MDC1: variants seen among roughly 807,000 people sequenced by gnomAD.
The protein encoded by MDC1 is mediator of DNA damage checkpoint protein 1.
A neutral mutation model predicts 142.5 loss-of-function variants in MDC1; 81 were observed. The ratio of observed to expected loss-of-function variants is 0.57; its 90% confidence interval spans 0.47 to 0.68. The LOEUF is 0.68. MDC1 is among the 30% of genes least tolerant of loss of function. MDC1 has a pLI of 0.00. For missense variants in MDC1, 2,119 were observed against 2,547.9 expected (o/e 0.83, Z 3.62); for synonymous variants, 797 against 968.4 (o/e 0.82, Z 3.29).
At position 30,712,835 on chromosome 6, in the gene MDC1, C is replaced by A. The variant is rs2127718217; in HGVS notation, c.1107G>T (p.Leu369=). Residue 369 remains leucine (L), a synonymous_variant, in exon 5 of 15, where the codon CTG becomes CTT. Transcript: ENST00000376406. This position sits in a 1 kb window ranked among gnomAD's most constrained non-coding sequence, Gnocchi z 4.7. ...TATCACTACCAGCCTGGCTCTCCTGCAGATGGGCCAGGCCTGGTGCTCCAG... is the reference window on the plus strand; with the variant it reads ...TATCACTACCAGCCTGGCTCTCCTGAAGATGGGCCAGGCCTGGTGCTCCAG... ...RGPGAPGLAH[L]QESQAGSDTD... 6.2e-7 allele frequency: 1 copy of A among 1,613,028 alleles called. No individual in the cohort carries two copies. The highest frequency in any genetic ancestry group is 8.5e-7 in the Non-Finnish European group (1 of 1,179,986).
rs1005177081 is a variant in MDC1, at chr6:30,715,361, G to T, written c.-3-183C>A. ...AAACATTTTTTTCTTTTTTGTGATG[G>T]AGTCTCGTTCTGCTCCCCAGGCTGG... On this transcript the variant is annotated intron_variant, in intron 1 of 14. Coordinates refer to ENST00000376406, the MANE Select transcript of MDC1 (RefSeq NM_014641.3). This position sits in a 1 kb window ranked among gnomAD's most constrained non-coding sequence, Gnocchi z 4.1. Among the ~76,000 whole-genome samples the T allele has an allele frequency of 1.3e-5, 2 of 151,998 alleles. No homozygotes were observed. The highest frequency in any genetic ancestry group is 4.8e-5 in the African/African-American group (2 of 41,388).
rs1178339155 is a variant in MDC1 at position 30,715,304 on chromosome 6, A to G, written c.-3-126T>C. ...AACGTTGATGCTTCTCTTTCCACCA[A>G]TCTTTCTGTTGTTAACCTTCTGAAG... On this transcript the variant is annotated intron_variant, in intron 1 of 14. Transcript: ENST00000376406. The surrounding 1 kb of genome is among the most constrained non-coding windows in gnomAD (Gnocchi z 4.1). 4 of 1,065,814 alleles carry G rather than the reference A, an allele frequency of 3.8e-6. No homozygotes were observed. Among genetic ancestry groups the G allele is most frequent in the East Asian group, 2.4e-5 (1 of 41,328 alleles). 66.0% of individuals were successfully genotyped at this position (1,065,814 alleles called of 1,614,324 possible).
In MDC1 at chr6:30,714,961, G is replaced by C. The variant is rs952453479; in HGVS notation, c.136+79C>G. On this transcript the variant is annotated intron_variant, in intron 2 of 14. Coordinates refer to ENST00000376406, the MANE Select transcript of MDC1 (RefSeq NM_014641.3). ...TCACATCTCATTGAAACATACATAAGCTTCTTGCAACCCTCCAAATACCTT... is the reference window on the plus strand; with the variant it reads ...TCACATCTCATTGAAACATACATAACCTTCTTGCAACCCTCCAAATACCTT... 3 of 1,520,440 alleles carry C rather than the reference G, an allele frequency of 2.0e-6. No homozygotes were observed. In the Admixed American group the frequency reaches 5.6e-5, roughly 28 times the overall value. 94.2% of individuals were successfully genotyped at this position (1,520,440 alleles called of 1,614,324 possible).
rs748179039 is a variant in MDC1 at position 30,713,883 on chromosome 6, G to A, written c.437C>T (p.Thr146Ile). The stretch of plus-strand genomic sequence containing the variant: ...CTGTACTCTGGGTGTCTCTTCTACT[G>A]TCAGAGGGCCCCGGGAGACAAAGGG... ...SLPFVSRGPL[T>I]VEETPRVQGE... The change falls in exon 3 of 15, where the codon ACA becomes ATA. Residue 146 changes from threonine to isoleucine, a missense_variant. Thr to Ile is a moderately conservative substitution (Grantham distance 89, BLOSUM62 -1). Coordinates refer to ENST00000376406, the MANE Select transcript of MDC1 (RefSeq NM_014641.3). The surrounding 1 kb of genome is among the most constrained non-coding windows in gnomAD (Gnocchi z 4.9). 3.1e-6 allele frequency: 5 copies of A among 1,613,838 alleles called. No homozygotes were observed. The South Asian group carries it at 5.5e-5, about 18-fold the overall frequency.
rs1176432133 is a variant in MDC1 at position 30,700,562 on chromosome 6, G to C, written c.6173C>G (p.Pro2058Arg). 1.9e-6 allele frequency: 3 copies of C among 1,612,840 alleles called. No individual in the cohort carries two copies. The highest frequency in any genetic ancestry group is 1.7e-6 in the Non-Finnish European group (2 of 1,180,000). The change falls in exon 15 of 15, where the codon CCC (proline) becomes CGC (arginine). Residue 2058 changes from proline (P) to arginine (R), a missense_variant. By Grantham distance (103) the Pro-to-Arg change is moderately radical. Transcript: ENST00000376406. ...HCSIPLRVGLPLLSPEFLLTG... is the reference protein window; with the variant it reads ...HCSIPLRVGLRLLSPEFLLTG... ...CAGCAGGAACTCAGGCGAGAGGAGGGGCAGCCCAACCCGTAGTGGAATGGA... is the reference window on the plus strand; with the variant it reads ...CAGCAGGAACTCAGGCGAGAGGAGGCGCAGCCCAACCCGTAGTGGAATGGA...
rs1345432645 is a variant in MDC1, at chr6:30,703,212, T to G, written c.5757A>C (p.Ser1919=). The G allele has an allele frequency of 6.2e-7, 1 of 1,613,092 alleles. No homozygotes were observed. The highest frequency in any genetic ancestry group is 1.1e-5 in the South Asian group (1 of 91,088). ...TGACCAGGTGGGAAGCCTCTGCCGC[T>G]GAACCAGCCAGACTTCCCCCCAGTG... is the stretch of plus-strand genomic sequence containing the variant. ...VLALGGSLAG[S]AAEASHLVTD... Residue 1919 remains serine (S), a synonymous_variant, in exon 12 of 15, where the codon TCA becomes TCC. Coordinates refer to ENST00000376406, the MANE Select transcript of MDC1 (RefSeq NM_014641.3). This position sits in a 1 kb window ranked among gnomAD's most constrained non-coding sequence, Gnocchi z 4.4.
intron 14 of MDC1, among the ~76,000 whole-genome samples, chr6:30,700,941 C>A (rs376292550): frequency 1.4e-5 from 2 of 147,772 alleles, no homozygotes; most frequent in East Asian, 4.0e-4. Flanking sequence ...GGCGCGCTGA[C>A]GGGTGCCTGT....
chr6:30,711,891 G>A lies in MDC1; in HGVS notation c.2051C>T (p.Ser684Phe). The change falls in exon 5 of 15, where the codon TCT (serine) becomes TTT (phenylalanine). Residue 684 changes from serine to phenylalanine, a missense_variant. Transcript: ENST00000376406. Reference sequence around the variant, plus strand: ...GCACTTACCACCATAGTTGTCTTCAGAGTCCTTGGTCCCACCCACATGTTG... The same window carrying A: ...GCACTTACCACCATAGTTGTCTTCAAAGTCCTTGGTCCCACCCACATGTTG... ...REQHVGGTKD[S>F]EDNYGDSEDL... 1 of 1,531,392 alleles carries A rather than the reference G, an allele frequency of 6.5e-7. No individual in the cohort carries two copies. Among genetic ancestry groups the A allele is most frequent in the Non-Finnish European group, 8.8e-7 (1 of 1,140,756 alleles). 94.9% of individuals were successfully genotyped at this position (1,531,392 alleles called of 1,614,324 possible). A position where few individuals can be genotyped will look rare whatever the true frequency, so the allele number is the denominator to read the frequency against.
chr6:30,702,951 G>A lies in MDC1; in HGVS notation c.5866-74C>T. On this transcript the variant is annotated intron_variant, in intron 12 of 14. Transcript: ENST00000376406. Reference sequence around the variant, plus strand: ...AGCTCTGCTGCCTAGCATTTAGAGAGAGCTCACAAAATGTCTTTTAAATCA... The same window carrying A: ...AGCTCTGCTGCCTAGCATTTAGAGAAAGCTCACAAAATGTCTTTTAAATCA... The A allele has an allele frequency of 1.9e-6, 3 of 1,604,370 alleles. No individual in the cohort carries two copies. The Middle Eastern group carries it at 5.5e-4, about 295-fold the overall frequency.
In MDC1 at chr6:30,703,217, C is replaced by G; in HGVS notation, c.5752G>C (p.Gly1918Arg). The part of the protein sequence containing the change: ...AVLALGGSLA[G>R]SAAEASHLVT... ...AGGTGGGAAGCCTCTGCCGCTGAAC[C>G]AGCCAGACTTCCCCCCAGTGCCAGC... Residue 1918 changes from glycine (G) to arginine (R), a missense_variant, in exon 12 of 15, where the codon GGT becomes CGT. Physicochemically the swap from Gly to Arg is moderately radical, Grantham distance 125. Coordinates refer to ENST00000376406, the MANE Select transcript of MDC1 (RefSeq NM_014641.3). The surrounding 1 kb of genome is among the most constrained non-coding windows in gnomAD (Gnocchi z 4.4). 1 of 1,613,112 alleles carries G rather than the reference C, an allele frequency of 6.2e-7. No individual in the cohort carries two copies. The highest frequency in any genetic ancestry group is 8.5e-7 in the Non-Finnish European group (1 of 1,180,026).
rs1241777623 is a variant in MDC1, at chr6:30,712,750, T to C, written c.1192A>G (p.Met398Val). The C allele has an allele frequency of 1.2e-6, 2 of 1,612,996 alleles. No individual in the cohort carries two copies. Among genetic ancestry groups the C allele is most frequent in the Admixed American group, 1.7e-5 (1 of 60,010 alleles). The part of the protein sequence containing the change: ...AVPLEKSQAS[M>V]VINSDTDDEE... ...TCATCTGTATCGCTGTTGATAACCA[T>C]GGAAGCTTGGCTTTTCTCCAGAGGG... Residue 398 changes from methionine to valine, a missense_variant, in exon 5 of 15, where the codon ATG becomes GTG. Coordinates refer to ENST00000376406, the MANE Select transcript of MDC1 (RefSeq NM_014641.3). The surrounding 1 kb of genome is among the most constrained non-coding windows in gnomAD (Gnocchi z 4.7).
At position 30,713,238 on chromosome 6, in the gene MDC1, G is replaced by A. The variant is rs770034893; in HGVS notation, c.704C>T (p.Ser235Leu). The change falls in exon 5 of 15, where the codon TCA becomes TTA. Residue 235 changes from serine to leucine, a missense_variant. By Grantham distance (145) the Ser-to-Leu change is moderately radical (BLOSUM62 -2). Transcript: ENST00000376406. The surrounding 1 kb of genome is among the most constrained non-coding windows in gnomAD (Gnocchi z 4.9). ...GQQPATEEAS[S>L]AARRGATVEA... Reference sequence around the variant, plus strand: ...TACAGTGGCACCTCTTCTGGCAGCTGAGGAGGCCTCCTCTGTGGCTGGTTG... The same window carrying A: ...TACAGTGGCACCTCTTCTGGCAGCTAAGGAGGCCTCCTCTGTGGCTGGTTG... 31 of 1,613,000 alleles carry A rather than the reference G, an allele frequency of 1.9e-5. No homozygotes were observed. The highest frequency in any genetic ancestry group is 1.7e-5 in the Admixed American group (1 of 60,008).
In MDC1 at chr6:30,707,803, T is replaced by G; in HGVS notation, c.2776A>C (p.Arg926=). The change falls in exon 8 of 15, where the codon AGA becomes CGA. Residue 926 remains arginine (R), a synonymous_variant. Coordinates refer to ENST00000376406, the MANE Select transcript of MDC1 (RefSeq NM_014641.3). ...TCTAACTCGGCTGGATCGCACTCTC[T>G]GTTTGCTACTGGTCTCTCTACTTCT... ...EREVERPVAN[R]ECDPAELEEK... 1.2e-6 allele frequency: 2 copies of G among 1,613,058 alleles called. No homozygotes were observed. The highest frequency in any genetic ancestry group is 1.7e-6 in the Non-Finnish European group (2 of 1,180,032).
chr6:30,703,949 G>A lies in MDC1; in HGVS notation c.5234C>T (p.Pro1745Leu). 1 of 1,614,164 alleles carries A rather than the reference G, an allele frequency of 6.2e-7. No homozygotes were observed. The highest frequency in any genetic ancestry group is 8.5e-7 in the Non-Finnish European group (1 of 1,180,026). Residue 1745 changes from proline to leucine, a missense_variant, in exon 10 of 15, where the codon CCC becomes CTC. Coordinates refer to ENST00000376406, the MANE Select transcript of MDC1 (RefSeq NM_014641.3). This position sits in a 1 kb window ranked among gnomAD's most constrained non-coding sequence, Gnocchi z 4.4. ...APIDHKPCSA[P>L]LEPKSQASRN... Reference sequence around the variant, plus strand: ...TGAGGCCTGGGATTTAGGTTCCAAGGGTGCAGAGCAAGGCTTATGGTCAAT... The same window carrying A: ...TGAGGCCTGGGATTTAGGTTCCAAGAGTGCAGAGCAAGGCTTATGGTCAAT...
At chr6:30,706,155 G>C in intron 9 of MDC1, 57 bp from the exon 10 acceptor site, 1 of 1,383,854 alleles carries the variant, frequency 7.2e-7, no homozygotes, top group Non-Finnish European at 9.8e-7. Context: ...GATAGAACTT[G>C]GATACTGTTC....
At position 30,712,628 on chromosome 6, in the gene MDC1, A is replaced by C; in HGVS notation, c.1314T>G (p.Arg438=). 1.2e-6 allele frequency: 2 copies of C among 1,612,802 alleles called. No individual in the cohort carries two copies. Among genetic ancestry groups the C allele is most frequent in the South Asian group, 2.2e-5 (2 of 91,074 alleles). Residue 438 remains arginine (R), a synonymous_variant, in exon 5 of 15, where the codon CGT becomes CGG. Transcript: ENST00000376406. This position sits in a 1 kb window ranked among gnomAD's most constrained non-coding sequence, Gnocchi z 4.7. ...NRDAEEDMPQ[R]VVLLQRSQTT... ...TTTGGCTTCGCTGCAGAAGGACCAC[A>C]CGTTGGGGCATGTCCTCTTCTGCAT...
rs770604328 is a variant in MDC1 at position 30,715,057 on chromosome 6, G to A, written c.119C>T (p.Ala40Val). The A allele has an allele frequency of 7.4e-6, 12 of 1,613,874 alleles. No homozygotes were observed. In the African/African-American group the frequency reaches 1.5e-4, roughly 20 times the overall value. The change falls in exon 2 of 15, where the codon GCC becomes GTC. Residue 40 changes from alanine to valine, a missense_variant. Ala to Val is a moderately conservative substitution (Grantham distance 64). Coordinates refer to ENST00000376406, the MANE Select transcript of MDC1 (RefSeq NM_014641.3). This position sits in a 1 kb window ranked among gnomAD's most constrained non-coding sequence, Gnocchi z 4.1. ...PVGRLHIFSG[A>V]HGPEKDFPLH... ...CCTCTGACCTTTTTCTGGTCCATGG[G>A]CACCACTAAAGATATGTAGCCGCCC... is the stretch of plus-strand genomic sequence containing the variant.
At chr6:30,711,103 A>C (rs1774805544) in intron 7 of MDC1, among the ~76,000 whole-genome samples, 1 of 152,238 alleles carries the variant, frequency 6.6e-6, no homozygotes, top group Admixed American at 6.5e-5. Context: ...GGCCGGGCGC[A>C]GTGGCTTACG....
chr6:30,702,906 C>T lies in MDC1; in HGVS notation c.5866-29G>A, dbSNP rs745884792. The stretch of plus-strand genomic sequence containing the variant: ...AGGACGGCAGCAGTCAGCATCAAAG[C>T]TCAGCCCAGCCCCTCAATCAGCTCT... On this transcript the variant is annotated intron_variant, in intron 12 of 14. Transcript: ENST00000376406. 1.7e-5 allele frequency: 27 copies of T among 1,612,432 alleles called. No individual in the cohort carries two copies. In the African/African-American group the frequency reaches 3.5e-4, roughly 21 times the overall value.
Sources: gnomAD v4.1 joint callset for allele counts (sites outside exome capture counted in the v4.1 genomes callset) on GRCh38, gnomAD v4.1.1 for gene constraint, Gnocchi (gnomAD v3.1) non-coding constraint, MANE v1.5 for transcripts, NCBI Gene and HGNC (gene_info 2026-07-23, HGNC 2026-07-21) for gene names.